ATXN1: variants seen among roughly 807,000 people sequenced by gnomAD.
ATXN1 encodes the protein ataxin-1.
In ATXN1, 8 loss-of-function variants were observed where a neutral mutation model predicts 56.4. The ratio of observed to expected loss-of-function variants is 0.14; its 90% CI spans 0.08 to 0.26. The LOEUF (loss-of-function observed/expected upper bound fraction) is 0.26. ATXN1 is among the 10% of genes least tolerant of loss of function. The probability of loss-of-function intolerance (pLI) is 1.00; values close to 1 mark genes in which losing one functional copy is unlikely to be tolerated. For missense variants in ATXN1, 987 were observed against 1,106.5 expected, an observed-to-expected ratio of 0.89 and a Z score of 1.53; for synonymous variants, 514 against 494.6, an observed-to-expected ratio of 1.04 and a Z score of -0.52.
intron 6 of ATXN1, among the ~76,000 whole-genome samples, chr6:16,402,740 T>G (rs1417065287): frequency 6.6e-6 from 1 of 152,200 alleles, no homozygotes; most frequent in African/African-American, 2.4e-5. Flanking sequence ...GAACATCTGG[T>G]GTCAGAACCA....
intron 3 of ATXN1, among the ~76,000 whole-genome samples, chr6:16,614,368 G>A (rs2113794148): frequency 6.6e-6 from 1 of 151,688 alleles, no homozygotes; most frequent in African/African-American, 2.4e-5. Context: ...ACCTCTTGGT[G>A]GGCCCCAGTG....
chr6:16,661,833 C>T (rs9477201), intron 2 of ATXN1, among the ~76,000 whole-genome samples: 49,426 of 152,012 alleles, frequency 0.33, 9,952 homozygotes, highest in African/African-American at 0.56. Flanking sequence ...AGATCCCTAC[C>T]GCCCCCACCC....
At chr6:16,721,524 G>A (rs34115253) in intron 2 of ATXN1, among the ~76,000 whole-genome samples, 1 of 152,128 alleles carries the variant, frequency 6.6e-6, no homozygotes, top group Non-Finnish European at 1.5e-5. Context: ...ATATTCGGGA[G>A]GCTGGAACAA....
chr6:16,421,557 T>C (rs1466327929), intron 6 of ATXN1, among the ~76,000 whole-genome samples: 1 of 145,926 alleles, frequency 6.9e-6, no homozygotes, highest in African/African-American at 2.5e-5. Flanking sequence ...TAAAAGGCTG[T>C]AGAGTTCAAC....
At chr6:16,323,348 G>A (rs1211401300) in intron 7 of ATXN1, among the ~76,000 whole-genome samples, 2 of 151,858 alleles carry the variant, frequency 1.3e-5, no homozygotes, top group Admixed American at 6.6e-5. Context: ...GTGAAACCCT[G>A]TCTCTACTAA....
At chr6:16,539,310 A>G (rs1761667165) in intron 4 of ATXN1, among the ~76,000 whole-genome samples, 1 of 151,796 alleles carries the variant, frequency 6.6e-6, no homozygotes, top group Non-Finnish European at 1.5e-5. Context: ...GCTCTGTCCC[A>G]CCCCACTGCT....
chr6:16,496,685 T>C (rs1182074061), intron 5 of ATXN1, among the ~76,000 whole-genome samples: 2 of 152,216 alleles, frequency 1.3e-5, no homozygotes, highest in African/African-American at 4.8e-5. Flanking sequence ...TGAAACTCAG[T>C]TAAAATACCT....
intron 6 of ATXN1, among the ~76,000 whole-genome samples, chr6:16,357,309 A>G (rs1288881745): frequency 1.3e-5 from 2 of 150,198 alleles, no homozygotes; most frequent in African/African-American, 2.5e-5. Flanking sequence ...TCACTCTGTC[A>G]CCCAGGCTGG....
In ATXN1 at chr6:16,506,712, TG is replaced by T; in HGVS notation, c.-299+15914del. ...ATTATTTGTTTCAGTGGAGGCTCAC[TG>T]GCAAAATGTGGTCTAGTGGGCCTGA... On this transcript the variant is annotated intron_variant, in intron 5 of 7. Coordinates refer to ENST00000436367, the MANE Select transcript of ATXN1 (RefSeq NM_001128164.2). The surrounding 1 kb of genome is among the most constrained non-coding windows in gnomAD (Gnocchi z 4.1). Among the ~76,000 whole-genome samples, 1 of 152,352 alleles carries T rather than the reference TG, an allele frequency of 6.6e-6. No individual in the cohort carries two copies. The highest frequency in any genetic ancestry group is 6.5e-5 in the Admixed American group (1 of 15,298).
At chr6:16,719,373 GTCGCAAGCAGC>G (rs1759701790) in intron 2 of ATXN1, among the ~76,000 whole-genome samples, 4 of 152,186 alleles carry the variant, frequency 2.6e-5, no homozygotes, top group African/African-American at 9.7e-5. Context: ...ACAGCTAAAT[GTCGCAAGCAGC>G]ATGCTGTCAA....
intron 4 of ATXN1, among the ~76,000 whole-genome samples, chr6:16,548,356 G>A (rs147193594): frequency 9.2e-5 from 14 of 152,268 alleles, no homozygotes; most frequent in African/African-American, 3.1e-4. Context: ...GGACATTACT[G>A]TACACTACTG....
At position 16,718,611 on chromosome 6, in the gene ATXN1, G is replaced by A. The variant is rs568465812; in HGVS notation, c.-615+34622C>T. Among the ~76,000 whole-genome samples, 4 of 152,308 alleles carry A rather than the reference G, an allele frequency of 2.6e-5. No homozygotes were observed. The East Asian group carries it at 7.7e-4, about 29-fold the overall frequency. ...GTGTTGAGTTACACCATCCAACTAG[G>A]AATTAAATATATTATGCTCTTTGGT... On this transcript the variant is annotated intron_variant, in intron 2 of 7. Transcript: ENST00000436367.
intron 6 of ATXN1, among the ~76,000 whole-genome samples, chr6:16,469,781 T>C (rs1054338598): frequency 2.0e-5 from 3 of 152,060 alleles, no homozygotes; most frequent in Non-Finnish European, 4.4e-5. Flanking sequence ...CTGACCAACA[T>C]GGCAAAACCC....
At chr6:16,625,862 C>CT (rs2113805354) in intron 3 of ATXN1, among the ~76,000 whole-genome samples, 1 of 152,232 alleles carries the variant, frequency 6.6e-6, no homozygotes, top group South Asian at 2.1e-4. Context: ...ACTCTAGGTA[C>CT]CAAGCATTCC....
chr6:16,335,502 C>T (rs1360025189), intron 6 of ATXN1, among the ~76,000 whole-genome samples: 3 of 152,060 alleles, frequency 2.0e-5, no homozygotes, highest in African/African-American at 7.3e-5. Context: ...AATGAAAGCT[C>T]GTAATCCAAG....
intron 2 of ATXN1, among the ~76,000 whole-genome samples, chr6:16,706,335 C>G (rs1434615026): frequency 6.6e-6 from 1 of 152,104 alleles, no homozygotes; most frequent in Non-Finnish European, 1.5e-5. Context: ...ATACCTAGAG[C>G]AGAATTTGGC....
intron 2 of ATXN1, among the ~76,000 whole-genome samples, chr6:16,661,957 G>A (rs1480401891): frequency 6.6e-6 from 1 of 152,182 alleles, no homozygotes; most frequent in Non-Finnish European, 1.5e-5. Context: ...TAGAAAAACT[G>A]AGAGATAATA....
chr6:16,392,721 C>T (rs1227829117), intron 6 of ATXN1, among the ~76,000 whole-genome samples: 2 of 152,156 alleles, frequency 1.3e-5, no homozygotes, highest in Non-Finnish European at 2.9e-5. Flanking sequence ...GTCTCGAACT[C>T]CTGACCTCAG....
chr6:16,644,278 A>G (rs1206779917), intron 3 of ATXN1, among the ~76,000 whole-genome samples: 2 of 152,196 alleles, frequency 1.3e-5, no homozygotes, highest in Non-Finnish European at 2.9e-5. Context: ...GCACTTTGGG[A>G]GGCTGAGGCG....
Sources: gnomAD v4.1 joint callset for allele counts (sites outside exome capture counted in the v4.1 genomes callset) on GRCh38, gnomAD v4.1.1 for gene constraint, Gnocchi (gnomAD v3.1) non-coding constraint, MANE v1.5 for transcripts, NCBI Gene and HGNC (gene_info 2026-07-23, HGNC 2026-07-21) for gene names.